Variants in TCF12 observed in about 807,000 individuals in gnomAD.
TCF12 encodes the protein transcription factor 12.
TCF12 carries 45 observed loss-of-function variants against 86.0 expected under a neutral mutation model. The observed-to-expected ratio is 0.52, with a 90% CI of 0.41 to 0.67. The LOEUF is 0.67. Ranked by LOEUF, TCF12 falls within the 30% of genes least tolerant of loss-of-function variation. The pLI, the probability that TCF12 is intolerant of heterozygous loss-of-function variation, is 0.00. For missense variants in TCF12, 881 were observed against 859.9 expected, an observed-to-expected ratio of 1.02 and a Z score of -0.31; for synonymous variants, 330 against 299.6, an observed-to-expected ratio of 1.10 and a Z score of -1.05.
intron 5 of TCF12, among the ~76,000 whole-genome samples, chr15:57,092,872 ATAC>A (rs1452145389): frequency 6.6e-6 from 1 of 152,214 alleles, no homozygotes; most frequent in Non-Finnish European, 1.5e-5. Flanking sequence ...AGACACAGCC[ATAC>A]TAATCTGAGT....
chr15:56,918,554 C>A (rs2059603449), upstream of TCF12: 1 of 269,566 alleles, frequency 3.7e-6, no homozygotes, highest in South Asian at 3.0e-5. Flanking sequence ...TCCCCGCCCC[C>A]TCTGCCGGCC....
intron 16 of TCF12, among the ~76,000 whole-genome samples, chr15:57,256,361 C>G (rs1246985481): frequency 1.3e-5 from 2 of 152,128 alleles, no homozygotes; most frequent in African/African-American, 4.8e-5. Flanking sequence ...CAGCACCCAC[C>G]TATATGGAAT....
chr15:57,101,887 G>A (rs2049782203), intron 5 of TCF12, among the ~76,000 whole-genome samples: 1 of 152,160 alleles, frequency 6.6e-6, no homozygotes, highest in Non-Finnish European at 1.5e-5. Context: ...ATAGTTAATT[G>A]TAAATTTTAT....
chr15:57,167,736 G>A (rs527850889), intron 6 of TCF12, among the ~76,000 whole-genome samples: 2 of 152,240 alleles, frequency 1.3e-5, no homozygotes, highest in East Asian at 3.9e-4. Context: ...AGATTTGGGG[G>A]TAGTTACTGG....
intron 6 of TCF12, among the ~76,000 whole-genome samples, chr15:57,169,165 C>G (rs778277876): frequency 1.3e-5 from 2 of 152,176 alleles, no homozygotes; most frequent in African/African-American, 4.8e-5. Context: ...CAAACTGCCT[C>G]TGTGACATAT....
chr15:57,139,517 C>T (rs2052799890), intron 5 of TCF12, among the ~76,000 whole-genome samples: 1 of 152,082 alleles, frequency 6.6e-6, no homozygotes, highest in Non-Finnish European at 1.5e-5. Context: ...TAGTCCTTTT[C>T]CCTGGAAAAA....
rs2060660388 is a variant in TCF12, at chr15:57,263,024, C to T, written c.1583-88C>T. On this transcript the variant is annotated intron_variant, in intron 17 of 20. Coordinates refer to ENST00000333725, the MANE Select transcript of TCF12 (RefSeq NM_207037.2). ...TAACCCTGTAACTGCTAAGGATATT[C>T]ACCAGCTAGAAAGCTTTTTATTGTC... The T allele has an allele frequency of 1.3e-5, 18 of 1,374,612 alleles. No homozygotes were observed. In the South Asian group the frequency reaches 2.4e-4, roughly 18 times the overall value. 85.2% of individuals were successfully genotyped at this position (1,374,612 alleles called of 1,614,324 possible).
chr15:56,956,704 G>T (rs2061517202), intron 3 of TCF12, among the ~76,000 whole-genome samples: 1 of 151,872 alleles, frequency 6.6e-6, no homozygotes. Flanking sequence ...ATTAAATTTT[G>T]CTTGTCTTGT....
At chr15:56,947,505 A>G (rs181509813) in intron 3 of TCF12, among the ~76,000 whole-genome samples, 48 of 152,308 alleles carry the variant, frequency 3.2e-4, no homozygotes, top group African/African-American at 1.1e-3. Context: ...TCTGCACAGT[A>G]ATCTACAAAT....
intron 3 of TCF12, among the ~76,000 whole-genome samples, chr15:57,030,161 A>G (rs2066071192): frequency 6.6e-6 from 1 of 152,158 alleles, no homozygotes; most frequent in South Asian, 2.1e-4. Context: ...TAATTAATTG[A>G]TTAATCAGTT....
chr15:57,008,081 C>T (rs2064576734), intron 3 of TCF12, among the ~76,000 whole-genome samples: 1 of 151,612 alleles, frequency 6.6e-6, no homozygotes, highest in African/African-American at 2.4e-5. Flanking sequence ...ATGCTTTTGC[C>T]TCTTGAGTAG....
At chr15:56,973,302 T>G (rs2062432670) in intron 3 of TCF12, among the ~76,000 whole-genome samples, 1 of 152,104 alleles carries the variant, frequency 6.6e-6, no homozygotes, top group African/African-American at 2.4e-5. Flanking sequence ...AAGCTGTATC[T>G]GGTAAGAGGT....
At chr15:57,280,508 T>G (rs947078712) in intron 19 of TCF12, among the ~76,000 whole-genome samples, 1 of 152,224 alleles carries the variant, frequency 6.6e-6, no homozygotes, top group Admixed American at 6.5e-5. Flanking sequence ...TTTTGTTTAC[T>G]TTTTAAAAAC....
intron 8 of TCF12, among the ~76,000 whole-genome samples, chr15:57,215,345 T>G (rs1425821226): frequency 6.6e-6 from 1 of 152,122 alleles, no homozygotes; most frequent in Non-Finnish European, 1.5e-5. Context: ...CAGTTGCAGA[T>G]TCTCTCACTA....
intron 3 of TCF12, among the ~76,000 whole-genome samples, chr15:56,965,040 A>G (rs1243999857): frequency 6.6e-6 from 1 of 152,140 alleles, no homozygotes; most frequent in Non-Finnish European, 1.5e-5. Context: ...CTGTTTTTTC[A>G]GTTCTCTCAA....
chr15:57,029,483 ATTTG>A (rs1175958407), intron 3 of TCF12, among the ~76,000 whole-genome samples: 2 of 152,082 alleles, frequency 1.3e-5, no homozygotes. Context: ...TACATCGATT[ATTTG>A]TTTTATTTTT....
intron 3 of TCF12, among the ~76,000 whole-genome samples, chr15:56,937,094 G>A (rs924520310): frequency 2.0e-5 from 3 of 152,066 alleles, no homozygotes; most frequent in Admixed American, 1.3e-4. Flanking sequence ...ATTCTGCCAT[G>A]ATTCATCTGT....
intron 5 of TCF12, among the ~76,000 whole-genome samples, chr15:57,164,420 G>A (rs2054717459): frequency 6.6e-6 from 1 of 152,264 alleles, no homozygotes; most frequent in Admixed American, 6.5e-5. Context: ...GGAAGCAAAA[G>A]TGTCCTCCTT....
At chr15:57,148,834 C>G (rs1832945380) in intron 5 of TCF12, among the ~76,000 whole-genome samples, 1 of 152,084 alleles carries the variant, frequency 6.6e-6, no homozygotes, top group African/African-American at 2.4e-5. Flanking sequence ...CAGGACTGTG[C>G]CACTGCACTG....
Sources: gnomAD v4.1 joint callset for allele counts (sites outside exome capture counted in the v4.1 genomes callset) on GRCh38, gnomAD v4.1.1 for gene constraint, MANE v1.5 for transcripts, NCBI Gene and HGNC (gene_info 2026-07-23, HGNC 2026-07-21) for gene names.